SET: variants seen among roughly 807,000 people sequenced by gnomAD.
SET encodes the protein SET nuclear proto-oncogene, also known as protein SET.
A neutral mutation model predicts 39.0 loss-of-function variants in SET; 4 were observed. The ratio of observed to expected loss-of-function variants is 0.10; its 90% CI spans 0.05 to 0.23. SET has a LOEUF of 0.23. SET is among the 10% of genes least tolerant of loss of function. The pLI, the probability that SET is intolerant of heterozygous loss-of-function variation, is 1.00. For synonymous variants in SET, 114 were observed against 115.9 expected (o/e 0.98, Z 0.11); for missense variants, 137 against 329.7 (o/e 0.42, Z 4.53).
At chr9:128,685,565 A>G (rs1164349380), upstream of SET, among the ~76,000 whole-genome samples, 1 of 152,182 alleles carries the variant, frequency 6.6e-6, no homozygotes, top group African/African-American at 2.4e-5. Flanking sequence ...TGGACATCCC[A>G]ATTTTACAGA....
In SET at chr9:128,694,482, T is replaced by C. The variant is rs74617704; in HGVS notation, c.811-159T>C. Among the ~76,000 whole-genome samples, 458 of 152,316 alleles carry C rather than the reference T, an allele frequency of 3.0e-3. 7 individuals carry two copies. In the East Asian group the frequency reaches 0.034, roughly 11 times the overall value. ...GGTTAGAACTGAAGTTACTAATTAA[T>C]CTGAAGCAACATCATCACGGGTGTT... On this transcript the variant is annotated intron_variant, in intron 7 of 7. Coordinates refer to ENST00000322030, the MANE Select transcript of SET (RefSeq NM_003011.4).
intron 3 of SET, 83 bp from the exon 4 acceptor site, chr9:128,692,579 G>C: frequency 1.1e-6 from 1 of 936,886 alleles, no homozygotes; most frequent in South Asian, 1.4e-5. Context: ...CACTAAGTTC[G>C]GAAAAATTTT....
chr9:128,691,801 C>T, intron 2 of SET, 57 bp from the exon 3 acceptor site: 1 of 1,521,242 alleles, frequency 6.6e-7, no homozygotes, highest in Non-Finnish European at 8.9e-7. Flanking sequence ...TAATCTCAAC[C>T]AATTTTTTAA....
chr9:128,694,248 T>TG (rs986357442), intron 7 of SET, among the ~76,000 whole-genome samples: 2 of 151,942 alleles, frequency 1.3e-5, no homozygotes, highest in African/African-American at 4.8e-5. Flanking sequence ...GGTTTTTTTT[T>TG]GGGTTTTTTT....
In SET at chr9:128,693,915, A is replaced by G. The variant is rs1554776994; in HGVS notation, c.683A>G (p.Glu228Gly). ...TTTAAGGTTCCCGATATGGATGATG[A>G]AGAAGGAGAAGGAGAAGAAGATGAT... ...QYYLVPDMDD[E>G]EGEGEEDDDD... Residue 228 changes from glutamate to glycine, a missense_variant, in exon 7 of 8, where the codon GAA (glutamate) becomes GGA (glycine). Physicochemically the swap from Glu to Gly is moderately conservative, Grantham distance 98. This residue lies in a region of SET where 44 missense variants were observed against 63.0 expected (regional missense o/e 0.70). Coordinates refer to ENST00000322030, the MANE Select transcript of SET (RefSeq NM_003011.4). The G allele has an allele frequency of 1.9e-6, 3 of 1,593,750 alleles. No individual in the cohort carries two copies. Among genetic ancestry groups the G allele is most frequent in the South Asian group, 1.1e-5 (1 of 89,200 alleles).
chr9:128,691,100 TTATAG>T (rs781500527), intron 1 of SET, 65 bp from the exon 2 acceptor site: 3 of 1,193,704 alleles, frequency 2.5e-6, no homozygotes, highest in East Asian at 2.3e-5. Context: ...TTTTGGAATA[TTATAG>T]TATTAACATC....
Position 128,692,009 on chromosome 9 carries a change from T to C in SET, c.274+9T>C, listed in dbSNP as rs533796164. The stretch of plus-strand genomic sequence containing the variant: ...TGTCAACCATCCACAAGGTATGTTT[T>C]GGACAGGGCATTGTTAAAGGATAAA... On this transcript the variant is annotated intron_variant, in intron 3 of 7. Coordinates refer to ENST00000322030, the MANE Select transcript of SET (RefSeq NM_003011.4). The C allele has an allele frequency of 1.2e-6, 2 of 1,613,530 alleles. No homozygotes were observed. The highest frequency in any genetic ancestry group is 4.5e-5 in the East Asian group (2 of 44,880).
At chr9:128,688,189 G>T (rs1861353849), upstream of SET, among the ~76,000 whole-genome samples, 2 of 152,162 alleles carry the variant, frequency 1.3e-5, no homozygotes, top group South Asian at 4.1e-4. Context: ...CCAGCCTGGG[G>T]GACAGAGCAA....
rs917452550 is a variant in SET, at chr9:128,683,738, G to C, written c.-158G>C. On this transcript the variant is annotated 5_prime_UTR_variant, in exon 1 of 8. Transcript: ENST00000372692. ...GGGTGGGATGAGGCTGGGGGAGGGG[G>C]CCGGGGTGTGTGTCCCACTGTCATG... is the stretch of plus-strand genomic sequence containing the variant. The C allele has an allele frequency of 5.2e-6, 3 of 579,544 alleles. No homozygotes were observed. In the African/African-American group the frequency reaches 5.8e-5, roughly 11 times the overall value. 35.9% of individuals were successfully genotyped at this position (579,544 alleles called of 1,614,324 possible). A position where few individuals can be genotyped will look rare whatever the true frequency, so the allele number is the denominator to read the frequency against.
intron 3 of SET, chr9:128,692,433 G>T (rs567310431): frequency 7.5e-5 from 20 of 265,214 alleles, no homozygotes; most frequent in African/African-American, 4.4e-4. Flanking sequence ...CCTCAAAGAC[G>T]GGAAAAGATA....
At chr9:128,694,586 T>C (rs1183820970) in intron 7 of SET, 55 bp from the exon 8 acceptor site, 2 of 1,344,648 alleles carry the variant, frequency 1.5e-6, no homozygotes, top group East Asian at 4.9e-5. Flanking sequence ...GTGGTCCATA[T>C]GAAAGCAAGT....
At chr9:128,687,095 T>A (rs977855769), upstream of SET, among the ~76,000 whole-genome samples, 1 of 152,172 alleles carries the variant, frequency 6.6e-6, no homozygotes, top group African/African-American at 2.4e-5. Flanking sequence ...GGGTGGCTCA[T>A]GCCTGTAGTC....
Position 128,689,372 on chromosome 9 carries a change from G to A in SET, c.-211G>A, listed in dbSNP as rs1861411060. ...GAACAGGAGCCCGGGCCGGGGCCCG[G>A]CACGCCGCCCCAGCCCGTCCCTCGG... On this transcript the variant is annotated 5_prime_UTR_variant, in exon 1 of 8. Coordinates refer to ENST00000322030, the MANE Select transcript of SET (RefSeq NM_003011.4). 1 of 989,234 alleles carries A rather than the reference G, an allele frequency of 1.0e-6. No homozygotes were observed. Among genetic ancestry groups the A allele is most frequent in the Non-Finnish European group, 1.2e-6 (1 of 817,000 alleles). The allele number at this position is 989,234 out of a possible 1,614,324, so 61.3% of individuals were successfully genotyped here.
chr9:128,685,138 T>C, upstream of SET: 2 of 1,574,012 alleles, frequency 1.3e-6, no homozygotes, highest in Non-Finnish European at 1.7e-6. Context: ...TGTTGGCACT[T>C]TTACTGGGTC....
chr9:128,691,724 T>G lies in SET; in HGVS notation c.132-134T>G, dbSNP rs3750331. ...CCATCTTAGTTTTGAGTGTCTAAAT[T>G]AGGTGATAATGGTTATTATAATTTG... On this transcript the variant is annotated intron_variant, in intron 2 of 7. Coordinates refer to ENST00000322030, the MANE Select transcript of SET (RefSeq NM_003011.4). 748 of 833,754 alleles carry G rather than the reference T, an allele frequency of 9.0e-4. 11 individuals are homozygous for G. The East Asian group carries it at 0.017, about 19-fold the overall frequency. 51.6% of individuals were successfully genotyped at this position (833,754 alleles called of 1,614,324 possible).
chr9:128,686,072 G>A (rs1861276885), upstream of SET, among the ~76,000 whole-genome samples: 1 of 151,634 alleles, frequency 6.6e-6, no homozygotes, highest in South Asian at 2.1e-4. Flanking sequence ...GAGGAGAGAG[G>A]CAAGGGAGGA....
upstream of SET, among the ~76,000 whole-genome samples, chr9:128,688,081 C>T (rs1293771628): frequency 6.6e-6 from 1 of 152,088 alleles, no homozygotes; most frequent in Middle Eastern, 3.2e-3. Context: ...CATGGTGGCA[C>T]GTGCCTGTAG....
intron 3 of SET, chr9:128,692,456 T>C (rs1009061061): frequency 1.7e-5 from 7 of 414,226 alleles, no homozygotes; most frequent in South Asian, 3.6e-5. Context: ...CAGCTACTGC[T>C]TTCTATTCTG....
At chr9:128,692,620 T>C in intron 3 of SET, 42 bp from the exon 4 acceptor site, 1 of 1,274,264 alleles carries the variant, frequency 7.8e-7, no homozygotes, top group South Asian at 1.2e-5. Flanking sequence ...TGTTAGTGTG[T>C]GCCTGTTGAA....
Sources: allele counts gnomAD v4.1 joint callset (sites outside exome capture counted in the v4.1 genomes callset), GRCh38; gene constraint gnomAD v4.1.1; regional missense constraint gnomAD v4.1.1; transcripts MANE v1.5; gene names NCBI Gene and HGNC (gene_info 2026-07-23, HGNC 2026-07-21).